ZNF276: variants seen among roughly 807,000 people sequenced by gnomAD.
The protein encoded by ZNF276 is zinc finger protein 276, also known as centromere protein Z.
Under a neutral mutation model 63.9 loss-of-function variants are expected in ZNF276, and 59 were observed. The observed-to-expected ratio is 0.92, with a 90% CI of 0.75 to 1.15. ZNF276 has a LOEUF of 1.15. ZNF276 is among the 50% of genes most tolerant of loss of function. ZNF276 has a pLI of 0.00. For missense variants in ZNF276, 1,084 were observed against 843.8 expected (o/e 1.28, Z -3.53); for synonymous variants, 496 against 348.4 (o/e 1.42, Z -4.72).
intron 2 of ZNF276, 118 bp from the exon 3 acceptor site, chr16:89,723,019 G>C: frequency 6.3e-7 from 1 of 1,599,902 alleles, no homozygotes; most frequent in Non-Finnish European, 8.5e-7. Flanking sequence ...TGGGGTGAGG[G>C]AAGAGAAAGT....
rs754011259 is a variant in ZNF276, at chr16:89,723,761, G to A, written c.1006+52G>A. On this transcript the variant is annotated intron_variant, in intron 4 of 10. Transcript: ENST00000443381. ...GACCAGGATGTGTGCTCCTCAGTGG[G>A]GCAGGGTTTTCAGCAGAAAGTGAAT... 2.6e-6 allele frequency: 4 copies of A among 1,530,076 alleles called. No homozygotes were observed. The Admixed American group carries it at 5.7e-5, about 22-fold the overall frequency. 94.8% of individuals were successfully genotyped at this position (1,530,076 alleles called of 1,614,324 possible).
intron 4 of ZNF276, 49 bp from the exon 5 acceptor site, chr16:89,727,230 C>T: frequency 6.3e-7 from 1 of 1,585,432 alleles, no homozygotes; most frequent in Non-Finnish European, 8.7e-7. Flanking sequence ...CAGGTGAGAC[C>T]TTTCTGTGCT....
chr16:89,740,351 G>A lies in ZNF276; in HGVS notation c.*2105G>A, dbSNP rs1168119439. 1.9e-6 allele frequency: 1 copy of A among 537,826 alleles called. No individual in the cohort carries two copies. The allele number at this position is 537,826 out of a possible 1,614,324, so 33.3% of individuals were successfully genotyped here. ...CCTCAAATAAGACATTAAAAGAAAGGCCCACAGGCCGGATGCAGTGGCTCA... is the reference window on the plus strand; with the variant it reads ...CCTCAAATAAGACATTAAAAGAAAGACCCACAGGCCGGATGCAGTGGCTCA... On this transcript the variant is annotated 3_prime_UTR_variant, in exon 11 of 11. Transcript: ENST00000443381.
At chr16:89,720,813 T>C (rs1052585881), upstream of ZNF276, 2 of 1,458,736 alleles carry the variant, frequency 1.4e-6, no homozygotes, top group Non-Finnish European at 1.8e-6. Flanking sequence ...GCAAGCTTCA[T>C]GGCGCTCTGC....
At chr16:89,723,837 G>A (rs1157712182) in intron 4 of ZNF276, 128 bp downstream of exon 4, 1 of 1,059,610 alleles carries the variant, frequency 9.4e-7, no homozygotes, top group Non-Finnish European at 1.3e-6. Flanking sequence ...AAGGAGCAGA[G>A]CTTGGGGCTT....
Position 89,738,734 on chromosome 16 carries a change from C to T in ZNF276, c.*488C>T. 1.9e-6 allele frequency: 3 copies of T among 1,613,094 alleles called. No homozygotes were observed. The highest frequency in any genetic ancestry group is 2.5e-6 in the Non-Finnish European group (3 of 1,179,598). On this transcript the variant is annotated 3_prime_UTR_variant, in exon 11 of 11. Transcript: ENST00000443381. ...CTGTGAGAGAGGAGCAGGTCCTCAG[C>T]CCATGCCGCCCACTAGGCCTCAGAC... is the stretch of plus-strand genomic sequence containing the variant.
At position 89,737,823 on chromosome 16, in the gene ZNF276, T is replaced by A; in HGVS notation, c.1492T>A (p.Cys498Ser). 6.2e-7 allele frequency: 1 copy of A among 1,614,158 alleles called. No individual in the cohort carries two copies. The highest frequency in any genetic ancestry group is 1.7e-5 in the Admixed American group (1 of 60,014). Residue 498 changes from cysteine (C) to serine (S), a missense_variant, in exon 10 of 11, where the codon TGT (cysteine) becomes AGT (serine). Physicochemically the swap from Cys to Ser is moderately radical, Grantham distance 112. Coordinates refer to ENST00000443381, the MANE Select transcript of ZNF276 (RefSeq NM_001113525.2). The part of the protein sequence containing the change: ...LIHTEVRNYI[C>S]DECGQTFKQR... ...CCTCTCAGAGGTGCGGAACTATATC[T>A]GTGACGAATGTGGACAAACCTTCAA...
intron 4 of ZNF276, 96 bp downstream of exon 4, chr16:89,723,805 G>C (rs1227788553): frequency 7.8e-7 from 1 of 1,285,966 alleles, no homozygotes; most frequent in East Asian, 2.5e-5. Flanking sequence ...TGCTCTAGGT[G>C]GTGGCTGGGG....
At chr16:89,722,994 T>C (rs565479580) in intron 2 of ZNF276, 143 bp from the exon 3 acceptor site, 5 of 1,580,488 alleles carry the variant, frequency 3.2e-6, no homozygotes, top group Non-Finnish European at 4.3e-6. Context: ...TGTGGAGAGA[T>C]GAACTGGGAG....
rs1413544686 is a variant in ZNF276 at position 89,734,011 on chromosome 16, C to T, written c.1447C>T (p.Gln483Ter). 1 of 1,614,098 alleles carries T rather than the reference C, an allele frequency of 6.2e-7. No individual in the cohort carries two copies. The highest frequency in any genetic ancestry group is 2.2e-5 in the East Asian group (1 of 44,886). Residue 483 changes from glutamine to a stop codon, truncating the protein, a stop_gained, in exon 9 of 11, where the codon CAG becomes TAG. Coordinates refer to ENST00000443381, the MANE Select transcript of ZNF276 (RefSeq NM_001113525.2). LOFTEE classifies it high-confidence loss of function. Reference sequence around the variant, plus strand: ...GGTTTTCATGATCGACCGCTACCTGCAGCGCCACGTGAAGCTCATCCACAC... The same window carrying T: ...GGTTTTCATGATCGACCGCTACCTGTAGCGCCACGTGAAGCTCATCCACAC... ...NKVFMIDRYL[Q>*]RHVKLIHTEV...
upstream of ZNF276, chr16:89,720,817 G>T: frequency 6.9e-7 from 1 of 1,455,498 alleles, no homozygotes. Context: ...GCTTCATGGC[G>T]CTCTGCAGCG....
intron 5 of ZNF276, among the ~76,000 whole-genome samples, chr16:89,728,157 A>G (rs2061524248): frequency 6.6e-6 from 1 of 150,720 alleles, no homozygotes. Context: ...CAGGACCACC[A>G]GGACACAAAA....
chr16:89,726,739 G>A (rs1434128889), intron 4 of ZNF276, among the ~76,000 whole-genome samples: 2 of 151,598 alleles, frequency 1.3e-5, no homozygotes, highest in Admixed American at 1.3e-4. Flanking sequence ...TCTGCCTCCC[G>A]GGTTCAAGCG....
At position 89,729,280 on chromosome 16, in the gene ZNF276, G is replaced by A; in HGVS notation, c.1131G>A (p.Gln377=). The A allele has an allele frequency of 6.2e-7, 1 of 1,614,160 alleles. No individual in the cohort carries two copies. The highest frequency in any genetic ancestry group is 8.5e-7 in the Non-Finnish European group (1 of 1,180,028). Residue 377 remains glutamine (Q), a synonymous_variant, in exon 6 of 11, where the codon CAG becomes CAA. Coordinates refer to ENST00000443381, the MANE Select transcript of ZNF276 (RefSeq NM_001113525.2). ...EDENDKKQNA[Q]SSDESFEPYP... ...AAAATGACAAGAAGCAAAATGCCCA[G>A]TCTTCGGACGAGTCCTTTGAGCCTT...
rs2062080578 is a variant in ZNF276, at chr16:89,739,788, A to AGGCC, written c.*1543_*1546dup. The AGGCC allele has an allele frequency of 6.8e-7, 1 of 1,468,404 alleles. No individual in the cohort carries two copies. Among genetic ancestry groups the AGGCC allele is most frequent in the Non-Finnish European group, 9.0e-7 (1 of 1,113,722 alleles). The allele number at this position is 1,468,404 out of a possible 1,614,324, so 91.0% of individuals were successfully genotyped here. A position where few individuals can be genotyped will look rare whatever the true frequency, so the allele number is the denominator to read the frequency against. ...TGCAGAGAGAGGCAGTCCCCATGAT[A>AGGCC]GGCCCATTGGTCCTGGGGTTGACCA... On this transcript the variant is annotated 3_prime_UTR_variant, in exon 11 of 11. Coordinates refer to ENST00000443381, the MANE Select transcript of ZNF276 (RefSeq NM_001113525.2).
upstream of ZNF276, chr16:89,720,676 G>A (rs1462340133): frequency 5.5e-6 from 7 of 1,271,186 alleles, no homozygotes; most frequent in East Asian, 6.7e-5. Context: ...TCTCCAGCCC[G>A]AGCCGGCCCC....
intron 6 of ZNF276, chr16:89,732,834 G>T: frequency 5.0e-6 from 1 of 201,550 alleles, no homozygotes; most frequent in South Asian, 4.6e-5. Context: ...ACCCTGCTGT[G>T]TCCTGCGCCC....
At position 89,740,122 on chromosome 16, in the gene ZNF276, C is replaced by A. The variant is rs754954329; in HGVS notation, c.*1876C>A. 2 of 1,605,194 alleles carry A rather than the reference C, an allele frequency of 1.2e-6. No homozygotes were observed. The highest frequency in any genetic ancestry group is 1.7e-6 in the Non-Finnish European group (2 of 1,172,248). On this transcript the variant is annotated 3_prime_UTR_variant, in exon 11 of 11. Coordinates refer to ENST00000443381, the MANE Select transcript of ZNF276 (RefSeq NM_001113525.2). ...GCTCTGTAAACCGCAGGAGACCAAC[C>A]CTGAGAATGGCCGACCTGGTGCTCC...
chr16:89,740,687 G>A lies in ZNF276; in HGVS notation c.*2441G>A, dbSNP rs2062110059. On this transcript the variant is annotated 3_prime_UTR_variant, in exon 11 of 11. Transcript: ENST00000443381. Reference sequence around the variant, plus strand: ...CCTGGGAGTTCTCACTCACACTTCCGCAAACACAAGGAGCTCCTGAGCTAG... The same window carrying A: ...CCTGGGAGTTCTCACTCACACTTCCACAAACACAAGGAGCTCCTGAGCTAG... The A allele has an allele frequency of 9.4e-6, 7 of 746,874 alleles. No homozygotes were observed. Among genetic ancestry groups the A allele is most frequent in the East Asian group, 5.7e-5 (2 of 35,170 alleles). 46.3% of individuals were successfully genotyped at this position (746,874 alleles called of 1,614,324 possible). A position where few individuals can be genotyped will look rare whatever the true frequency, so the allele number is the denominator to read the frequency against.
Sources: gnomAD v4.1 joint callset for allele counts (sites outside exome capture counted in the v4.1 genomes callset) on GRCh38, gnomAD v4.1.1 for gene constraint, MANE v1.5 for transcripts, NCBI Gene and HGNC (gene_info 2026-07-23, HGNC 2026-07-21) for gene names.